Variants in HMCN1 observed in about 807,000 individuals in gnomAD.
HMCN1 encodes hemicentin-1.
A neutral mutation model predicts 625.9 loss-of-function variants in HMCN1; 321 were observed. The observed-to-expected ratio is 0.51, with a 90% CI of 0.47 to 0.56. The LOEUF (loss-of-function observed/expected upper bound fraction) is 0.56. Among genes scored for constraint, HMCN1 ranks in the 20% least tolerant of loss-of-function variants. The pLI is 0.00. For synonymous variants in HMCN1, 2,425 were observed against 2,417.6 expected (o/e 1.00, Z -0.09); for missense variants, 6,588 against 6,887.3 (o/e 0.96, Z 1.54).
At chr1:186,033,147 A>T (rs1342026883) in intron 36 of HMCN1, among the ~76,000 whole-genome samples, 2 of 152,020 alleles carry the variant, frequency 1.3e-5, no homozygotes, top group Non-Finnish European at 2.9e-5. Flanking sequence ...CTTTTGCAGC[A>T]ACTTGGATGG....
intron 36 of HMCN1, among the ~76,000 whole-genome samples, chr1:186,029,322 G>A (rs1253284719): frequency 1.3e-5 from 2 of 152,038 alleles, no homozygotes; most frequent in South Asian, 2.1e-4. Context: ...AGTTATGGGT[G>A]CTTCTTGATC....
rs1653607132 is a variant in HMCN1 at position 186,189,824 on chromosome 1, T to C, written c.16854T>C (p.Ile5618=). Residue 5618 remains isoleucine, a synonymous_variant, in exon 107 of 107, where the codon ATT becomes ATC. Coordinates refer to ENST00000271588, the MANE Select transcript of HMCN1 (RefSeq NM_031935.3). ...CATCCTACAGTGCCAATGGGACCAT[T>C]GAATATCAGACCACATTCATAGTTT... The part of the protein sequence containing the change: ...RASSYSANGT[I]EYQTTFIVYI... 6.2e-7 allele frequency: 1 copy of C among 1,613,814 alleles called. No homozygotes were observed. The highest frequency in any genetic ancestry group is 1.1e-5 in the South Asian group (1 of 91,064).
intron 62 of HMCN1, 133 bp from the exon 63 acceptor site, chr1:186,088,473 T>C: frequency 7.3e-7 from 1 of 1,375,230 alleles, no homozygotes; most frequent in Non-Finnish European, 9.7e-7. Context: ...ATTTTTTCTT[T>C]TTTAAAAAAG....
At chr1:185,868,321 T>C (rs1249450225) in intron 4 of HMCN1, among the ~76,000 whole-genome samples, 1 of 152,142 alleles carries the variant, frequency 6.6e-6, no homozygotes, top group Non-Finnish European at 1.5e-5. Context: ...TTAAATGGCA[T>C]GTGATATTGT....
intron 1 of HMCN1, among the ~76,000 whole-genome samples, chr1:185,752,471 G>A (rs375878869): frequency 1.2e-4 from 18 of 152,140 alleles, no homozygotes; most frequent in East Asian, 7.7e-4. Context: ...TATTTTGGGC[G>A]TTGGAATATT....
chr1:185,899,993 C>G (rs1571528688), intron 4 of HMCN1, among the ~76,000 whole-genome samples: 1 of 151,954 alleles, frequency 6.6e-6, no homozygotes, highest in African/African-American at 2.4e-5. Flanking sequence ...AAGACCCTAA[C>G]AAGCCTATGG....
intron 102 of HMCN1, among the ~76,000 whole-genome samples, chr1:186,173,856 T>C (rs906690093): frequency 3.9e-5 from 6 of 152,116 alleles, no homozygotes; most frequent in African/African-American, 1.4e-4. Flanking sequence ...TGGTTTTGAT[T>C]GAAGGAAATA....
chr1:185,942,293 G>T (rs913140188), intron 11 of HMCN1, among the ~76,000 whole-genome samples: 3 of 152,074 alleles, frequency 2.0e-5, no homozygotes, highest in African/African-American at 7.2e-5. Flanking sequence ...ATACACTGTG[G>T]ACATTTTAAT....
Position 186,023,049 on chromosome 1 carries a change from T to C in HMCN1, c.5645T>C (p.Val1882Ala). 6.2e-7 allele frequency: 1 copy of C among 1,613,462 alleles called. No individual in the cohort carries two copies. Among genetic ancestry groups the C allele is most frequent in the Non-Finnish European group, 8.5e-7 (1 of 1,179,550 alleles). ...AATTAGATACAGTCTTCTGGTCGAG[T>C]TCTACAAATTGCCAAAACCCTGTTG... ...GNLKIQSSGR[V>A]LQIAKTLLED... Residue 1882 changes from valine to alanine, a missense_variant, in exon 36 of 107, where the codon GTT becomes GCT. Val to Ala is a moderately conservative substitution (Grantham distance 64, BLOSUM62 0). Around this residue, in one of 3 missense-constraint regions of HMCN1, gnomAD observed 4,628 missense variants for 4,853.1 expected, o/e 0.95. Transcript: ENST00000271588.
intron 4 of HMCN1, among the ~76,000 whole-genome samples, chr1:185,868,629 G>C (rs976467318): frequency 5.3e-5 from 8 of 152,126 alleles, no homozygotes; most frequent in Non-Finnish European, 8.8e-5. Context: ...ATGCAGAACT[G>C]TGAGTCAATT....
At chr1:186,068,087 T>C in intron 50 of HMCN1, 80 bp downstream of exon 50, 4 of 1,279,304 alleles carry the variant, frequency 3.1e-6, no homozygotes, top group Non-Finnish European at 4.6e-6. Context: ...GGTTACTTTT[T>C]ATAAAAACAC....
At chr1:186,117,148 G>A (rs1225262031) in intron 76 of HMCN1, 33 bp downstream of exon 76, 2 of 1,611,020 alleles carry the variant, frequency 1.2e-6, no homozygotes, top group Non-Finnish European at 1.7e-6. Context: ...ATTGAAACAT[G>A]ATAATGCTAT....
intron 30 of HMCN1, 53 bp from the exon 31 acceptor site, chr1:186,015,106 G>T (rs1654272045): frequency 4.7e-6 from 7 of 1,489,666 alleles, no homozygotes; most frequent in Non-Finnish European, 6.6e-6. Flanking sequence ...TTAAGATTTT[G>T]ATGAAGATGC....
intron 49 of HMCN1, among the ~76,000 whole-genome samples, chr1:186,066,299 A>G (rs962378894): frequency 1.3e-5 from 2 of 152,158 alleles, no homozygotes; most frequent in African/African-American, 4.8e-5. Context: ...TCATTCATTC[A>G]TTCATTCATT....
intron 1 of HMCN1, among the ~76,000 whole-genome samples, chr1:185,777,570 A>G (rs815382): frequency 1.3e-5 from 2 of 151,838 alleles, no homozygotes; most frequent in South Asian, 2.1e-4. Context: ...TCCTGCCTCA[A>G]CCTCCTGAGT....
intron 4 of HMCN1, among the ~76,000 whole-genome samples, chr1:185,900,480 A>G (rs1665740767): frequency 6.6e-6 from 1 of 151,956 alleles, no homozygotes; most frequent in Non-Finnish European, 1.5e-5. Context: ...TTTAAAAGCC[A>G]TATAATGTTG....
At chr1:186,157,913 G>C (rs1478016309) in intron 97 of HMCN1, among the ~76,000 whole-genome samples, 2 of 152,106 alleles carry the variant, frequency 1.3e-5, no homozygotes, top group African/African-American at 4.8e-5. Context: ...GTGTGCATGT[G>C]TCTTTATAGC....
chr1:185,948,451 G>A (rs1668457960), intron 11 of HMCN1, among the ~76,000 whole-genome samples: 1 of 150,788 alleles, frequency 6.6e-6, no homozygotes, highest in Non-Finnish European at 1.5e-5. Context: ...AGTCAAAGGG[G>A]GGTTGTTCTC....
At chr1:186,133,329 A>C (rs1267349665) in intron 86 of HMCN1, among the ~76,000 whole-genome samples, 1 of 152,246 alleles carries the variant, frequency 6.6e-6, no homozygotes, top group East Asian at 1.9e-4. Context: ...AAAAATAAAG[A>C]CTAATGTAAA....
Sources: allele counts gnomAD v4.1 joint callset (sites outside exome capture counted in the v4.1 genomes callset), GRCh38; gene constraint gnomAD v4.1.1; regional missense constraint gnomAD v4.1.1; transcripts MANE v1.5; gene names NCBI Gene and HGNC (gene_info 2026-07-23, HGNC 2026-07-21).